The following TMCC1 variants were observed in gnomAD, a reference collection of about 807,000 sequenced individuals.
TMCC1 encodes the protein transmembrane and coiled-coil domain family 1.
A neutral mutation model predicts 52.4 loss-of-function variants in TMCC1; 15 were observed. The ratio of observed to expected loss-of-function variants is 0.29; its 90% CI spans 0.19 to 0.44. The LOEUF (loss-of-function observed/expected upper bound fraction) is 0.44, where lower values mean the gene tolerates loss of function less well. TMCC1 is among the 20% of genes least tolerant of loss of function. The pLI, the probability that TMCC1 is intolerant of heterozygous loss-of-function variation, is 1.00. For missense variants in TMCC1, 503 were observed against 806.0 expected (o/e 0.62, Z 4.55); for synonymous variants, 279 against 301.9 (o/e 0.92, Z 0.79).
intron 2 of TMCC1, among the ~76,000 whole-genome samples, chr3:129,851,591 T>C (rs2059916094): frequency 6.6e-6 from 1 of 152,144 alleles, no homozygotes; most frequent in African/African-American, 2.4e-5. Context: ...GAAAGTTTAG[T>C]GTTGGTAATG....
rs1322327194 is a variant in TMCC1 at position 129,668,481 on chromosome 3, A to G, written c.1511+1849T>C. Among the ~76,000 whole-genome samples, 9 of 152,350 alleles carry G rather than the reference A, an allele frequency of 5.9e-5. No individual in the cohort carries two copies. The East Asian group carries it at 1.7e-3, about 29-fold the overall frequency. Reference sequence around the variant, plus strand: ...GAAACTTGCCCAGGTTTTCAAGGTTAGTAAGGGGAAGAACTGGAATTTGAA... The same window carrying G: ...GAAACTTGCCCAGGTTTTCAAGGTTGGTAAGGGGAAGAACTGGAATTTGAA... On this transcript the variant is annotated intron_variant, in intron 5 of 6. Coordinates refer to ENST00000393238, the MANE Select transcript of TMCC1 (RefSeq NM_001017395.5).
intron 4 of TMCC1, among the ~76,000 whole-genome samples, chr3:129,704,362 G>A (rs2048059515): frequency 6.6e-6 from 1 of 152,178 alleles, no homozygotes; most frequent in South Asian, 2.1e-4. Flanking sequence ...GCCATATACA[G>A]TATTCATATG....
intron 4 of TMCC1, among the ~76,000 whole-genome samples, chr3:129,818,389 T>TTTTC (rs2058215865): frequency 6.6e-6 from 1 of 151,876 alleles, no homozygotes; most frequent in Non-Finnish European, 1.5e-5. Flanking sequence ...TTAAATTTTC[T>TTTTC]TTAAAAGTTT....
chr3:129,771,797 A>AT, intron 4 of TMCC1, among the ~76,000 whole-genome samples: 1 of 86,890 alleles, frequency 1.2e-5, no homozygotes, highest in East Asian at 5.1e-4. Flanking sequence ...AAAAAAAAAA[A>AT]AAGAAGAAGA....
At chr3:129,858,105 A>G (rs2060225848) in intron 2 of TMCC1, among the ~76,000 whole-genome samples, 1 of 151,454 alleles carries the variant, frequency 6.6e-6, no homozygotes, top group Non-Finnish European at 1.5e-5. Context: ...TCCTTTTCAC[A>G]TTTTACAGAT....
rs61105005 is a variant in TMCC1, at chr3:129,676,036, C to CAAAAAAA, written c.577-4779_577-4773dup. On this transcript the variant is annotated intron_variant, in intron 4 of 6. Transcript: ENST00000393238. ...TGGGCGACAGAGCGAGACTCTGTCT[C>CAAAAAAA]AAAAAAAAAAAAAAAAAAAAAAAAA... 5.6e-3 allele frequency among the ~76,000 whole-genome samples: 261 copies of CAAAAAAA among 46,310 alleles called. 10 individuals carry two copies. The highest frequency in any genetic ancestry group is 0.018 in the African/African-American group (217 of 12,144). 30.4% of individuals were successfully genotyped at this position (46,310 alleles called of 152,430 possible).
chr3:129,706,281 G>A (rs890784962), intron 4 of TMCC1, among the ~76,000 whole-genome samples: 9 of 151,376 alleles, frequency 5.9e-5, no homozygotes, highest in African/African-American at 1.9e-4. Context: ...TCGGCTTACT[G>A]CAACCTCCGC....
intron 4 of TMCC1, among the ~76,000 whole-genome samples, chr3:129,716,060 A>G (rs2049056592): frequency 2.0e-5 from 3 of 152,160 alleles, no homozygotes; most frequent in Non-Finnish European, 4.4e-5. Context: ...CTCTCCCACC[A>G]GGAGACTGCC....
At chr3:129,743,035 T>C (rs1472512838) in intron 4 of TMCC1, among the ~76,000 whole-genome samples, 1 of 151,920 alleles carries the variant, frequency 6.6e-6, no homozygotes. Context: ...CGGGGGAGAA[T>C]GGGGAGATTG....
At chr3:129,684,222 G>T (rs1278542638) in intron 4 of TMCC1, among the ~76,000 whole-genome samples, 2 of 152,166 alleles carry the variant, frequency 1.3e-5, no homozygotes, top group African/African-American at 4.8e-5. Context: ...ATAAAACTTG[G>T]ATTCCAAAAG....
intron 4 of TMCC1, among the ~76,000 whole-genome samples, chr3:129,705,766 G>C (rs1383827323): frequency 6.6e-6 from 1 of 151,704 alleles, no homozygotes; most frequent in African/African-American, 2.4e-5. Flanking sequence ...CTAATTTTTT[G>C]TATTTTTAGT....
intron 4 of TMCC1, among the ~76,000 whole-genome samples, chr3:129,796,353 T>C (rs2056820667): frequency 6.6e-6 from 1 of 152,180 alleles, no homozygotes; most frequent in Non-Finnish European, 1.5e-5. Context: ...CACCTAACAA[T>C]GCATTTCTCA....
At chr3:129,844,164 T>C (rs184740854) in intron 2 of TMCC1, among the ~76,000 whole-genome samples, 67 of 152,282 alleles carry the variant, frequency 4.4e-4, no homozygotes, top group African/African-American at 1.6e-3. Flanking sequence ...ATTAGACTAT[T>C]CCAATATCTA....
chr3:129,695,304 T>C (rs2047333145), intron 4 of TMCC1, among the ~76,000 whole-genome samples: 1 of 152,096 alleles, frequency 6.6e-6, no homozygotes, highest in Admixed American at 6.6e-5. Flanking sequence ...TGTGAATCTT[T>C]GTCTTTGGCT....
At chr3:129,778,127 T>A (rs1199344488) in intron 4 of TMCC1, among the ~76,000 whole-genome samples, 1 of 152,230 alleles carries the variant, frequency 6.6e-6, no homozygotes, top group East Asian at 1.9e-4. Context: ...ACGTGGGCAG[T>A]AGGGCTAAAG....
rs543298540 is a variant in TMCC1, at chr3:129,893,542, G to A, written c.-483C>T. The A allele has an allele frequency of 1.3e-5, 2 of 152,216 alleles. No individual in the cohort carries two copies. The highest frequency in any genetic ancestry group is 4.8e-5 in the African/African-American group (2 of 41,332). The allele number at this position is 152,216 out of a possible 1,614,324, so 9.4% of individuals were successfully genotyped here. A position where few individuals can be genotyped will look rare whatever the true frequency, so the allele number is the denominator to read the frequency against. On this transcript the variant is annotated 5_prime_UTR_variant, in exon 1 of 7. Transcript: ENST00000393238. ...GGCGTCTCCGCCAGCGCCGTCGCTC[G>A]AGCTCAAGCGCCTGCTCCTTCCACT...
chr3:129,651,615 A>G lies in TMCC1; in HGVS notation c.1828T>C (p.Cys610Arg). The change falls in exon 7 of 7, where the codon TGT becomes CGT. Residue 610 changes from cysteine to arginine, a missense_variant. Physicochemically the swap from Cys to Arg is radical, Grantham distance 180. Coordinates refer to ENST00000393238, the MANE Select transcript of TMCC1 (RefSeq NM_001017395.5). The surrounding 1 kb of genome is among the most constrained non-coding windows in gnomAD (Gnocchi z 5.1). The part of the protein sequence containing the change: ...LLVFVSTVAN[C>R]VVPLMKTRNR... ...CGAGTCTTCATGAGGGGGACCACAC[A>G]GTTGGCTACAGTGGAGACAAAGACC... 6.2e-7 allele frequency: 1 copy of G among 1,614,230 alleles called. No individual in the cohort carries two copies. Among genetic ancestry groups the G allele is most frequent in the Non-Finnish European group, 8.5e-7 (1 of 1,180,034 alleles).
chr3:129,779,680 A>G (rs1031815745), intron 4 of TMCC1, among the ~76,000 whole-genome samples: 2 of 152,206 alleles, frequency 1.3e-5, no homozygotes, highest in South Asian at 2.1e-4. Flanking sequence ...ATGAAGACAT[A>G]TCTTTCCAAG....
At chr3:129,890,473 G>C (rs1228516180) in intron 1 of TMCC1, among the ~76,000 whole-genome samples, 1 of 152,138 alleles carries the variant, frequency 6.6e-6, no homozygotes, top group Non-Finnish European at 1.5e-5. Context: ...CTTAAGTGCC[G>C]GGCTCTTTCA....
Sources: allele counts gnomAD v4.1 joint callset (sites outside exome capture counted in the v4.1 genomes callset), GRCh38; gene constraint gnomAD v4.1.1; non-coding constraint Gnocchi (gnomAD v3.1); transcripts MANE v1.5; gene names NCBI Gene and HGNC (gene_info 2026-07-23, HGNC 2026-07-21).